ALG12: variants seen among roughly 807,000 people sequenced by gnomAD.
The protein encoded by ALG12 is dol-P-Man:Man(7)GlcNAc(2)-PP-Dol alpha-1,6-mannosyltransferase.
Under a neutral mutation model 46.0 loss-of-function variants are expected in ALG12, and 36 were observed. That is an observed-to-expected ratio of 0.78 (90% confidence interval 0.60 to 1.03). The LOEUF is 1.03. Ranked by LOEUF, ALG12 falls within the 50% of genes least tolerant of loss-of-function variation. The pLI is 0.00. For synonymous variants in ALG12, 326 were observed against 291.6 expected (o/e 1.12, Z -1.20); for missense variants, 599 against 633.5 (o/e 0.95, Z 0.58).
chr22:49,883,526 A>G, the ALG12 span: 1 of 1,198,542 alleles, frequency 8.3e-7, no homozygotes, highest in Non-Finnish European at 1.1e-6. Flanking sequence ...ATTTATGATT[A>G]GCCATATTTC....
At chr22:49,892,064 T>C in the ALG12 span, among the ~76,000 whole-genome samples, 2 of 151,954 alleles carry the variant, frequency 1.3e-5, no homozygotes, top group African/African-American at 4.8e-5. Flanking sequence ...GGTGGGCGTC[T>C]GTAGTCCCAG....
downstream of ALG12, among the ~76,000 whole-genome samples, chr22:49,895,319 T>A (rs2060479756): frequency 6.6e-6 from 1 of 152,096 alleles, no homozygotes; most frequent in East Asian, 1.9e-4. Flanking sequence ...GATTTTGTAA[T>A]TTTGGTTGGA....
At chr22:49,896,283 G>A (rs1010982620), downstream of ALG12, among the ~76,000 whole-genome samples, 6 of 152,334 alleles carry the variant, frequency 3.9e-5, no homozygotes, top group East Asian at 5.8e-4. Flanking sequence ...ATCTCTCCCC[G>A]TGAGATGCTC....
chr22:49,904,344 G>A lies in ALG12; in HGVS notation c.1155C>T (p.Pro385=), dbSNP rs113652023. 826 of 1,614,192 alleles carry A rather than the reference G, an allele frequency of 5.1e-4. 4 individuals carry two copies. In the African/African-American group the frequency reaches 9.6e-3, roughly 19 times the overall value. ...AMQRLHQLVP[P]QTDVLLHIDV... Reference sequence around the variant, plus strand: ...AGTGCCCCCAGCACCCACCTGTCTGGGGGGGCACCAGCTGGTGCAGCCTCT... The same window carrying A: ...AGTGCCCCCAGCACCCACCTGTCTGAGGGGGCACCAGCTGGTGCAGCCTCT... Residue 385 remains proline (P), a synonymous_variant, in exon 8 of 10, where the codon CCC becomes CCT. Coordinates refer to ENST00000330817, the MANE Select transcript of ALG12 (RefSeq NM_024105.4).
At chr22:49,896,633 T>C (rs1158925478), downstream of ALG12, among the ~76,000 whole-genome samples, 2 of 152,176 alleles carry the variant, frequency 1.3e-5, no homozygotes, top group East Asian at 3.8e-4. Flanking sequence ...TTAATTTTTT[T>C]TATTATTTTT....
the ALG12 span, among the ~76,000 whole-genome samples, chr22:49,874,017 T>C: frequency 1.3e-5 from 2 of 152,254 alleles, no homozygotes; most frequent in Non-Finnish European, 2.9e-5. Context: ...CTGTGACCTC[T>C]CTGAACTCTC....
At position 49,904,030 on chromosome 22, in the gene ALG12, G is replaced by A. The variant is rs1358199826; in HGVS notation, c.1275C>T (p.Gly425=). 1 of 1,614,188 alleles carries A rather than the reference G, an allele frequency of 6.2e-7. No individual in the cohort carries two copies. The highest frequency in any genetic ancestry group is 8.5e-7 in the Non-Finnish European group (1 of 1,180,004). ...DKREDVQPGT[G]MLAYTHILME... is the part of the protein sequence containing the mutation. ...TGAGGATGTGTGTGTATGCCAGCATGCCTGTCCCCGGCTGCACATCCTCCC... is the reference window on the plus strand; with the variant it reads ...TGAGGATGTGTGTGTATGCCAGCATACCTGTCCCCGGCTGCACATCCTCCC... The change falls in exon 10 of 10, where the codon GGC becomes GGT. Residue 425 remains glycine (G), a synonymous_variant. Coordinates refer to ENST00000330817, the MANE Select transcript of ALG12 (RefSeq NM_024105.4).
At chr22:49,871,023 C>G in the ALG12 span, among the ~76,000 whole-genome samples, 1 of 151,220 alleles carries the variant, frequency 6.6e-6, no homozygotes, top group Admixed American at 6.6e-5. Context: ...TAACTGCAAC[C>G]TCCATCTCCA....
chr22:49,915,477 A>T (rs1452469139), intron 1 of ALG12, among the ~76,000 whole-genome samples: 2 of 152,160 alleles, frequency 1.3e-5, no homozygotes, highest in Non-Finnish European at 2.9e-5. Flanking sequence ...GAATCGCTTG[A>T]GCCCAGGAGG....
chr22:49,869,312 C>T, the ALG12 span, among the ~76,000 whole-genome samples: 36 of 152,210 alleles, frequency 2.4e-4, 1 homozygote, highest in South Asian at 5.8e-3. Flanking sequence ...CAGAGGCACC[C>T]GTAACAGTGA....
At chr22:49,877,788 CCTGA>C in the ALG12 span, among the ~76,000 whole-genome samples, 2 of 152,164 alleles carry the variant, frequency 1.3e-5, no homozygotes, top group Non-Finnish European at 2.9e-5. Flanking sequence ...ACACATCCCT[CCTGA>C]CTGTGTCTTC....
intron 3 of ALG12, among the ~76,000 whole-genome samples, chr22:49,912,323 G>A (rs2060583187): frequency 6.6e-6 from 1 of 152,236 alleles, no homozygotes; most frequent in Admixed American, 6.5e-5. Flanking sequence ...GTTCTGTCCA[G>A]CTGGAGTCCA....
the ALG12 span, chr22:49,888,313 G>A: frequency 6.0e-6 from 1 of 166,730 alleles, no homozygotes; most frequent in Non-Finnish European, 1.5e-5. Flanking sequence ...ATTTGCCTAC[G>A]ACCTTTTAGA....
the ALG12 span, among the ~76,000 whole-genome samples, chr22:49,893,090 G>C: frequency 6.6e-6 from 1 of 152,220 alleles, no homozygotes; most frequent in East Asian, 1.9e-4. Flanking sequence ...TAGGCTTATA[G>C]ATGAAAGGAT....
At position 49,904,055 on chromosome 22, in the gene ALG12, C is replaced by G; in HGVS notation, c.1250G>C (p.Arg417Thr). 1 of 1,614,184 alleles carries G rather than the reference C, an allele frequency of 6.2e-7. No homozygotes were observed. The highest frequency in any genetic ancestry group is 8.5e-7 in the Non-Finnish European group (1 of 1,180,010). The change falls in exon 10 of 10, where the codon AGG (arginine) becomes ACG (threonine). Residue 417 changes from arginine (R) to threonine (T), a missense_variant. Transcript: ENST00000330817. ...QVNSAWRYDK[R>T]EDVQPGTGML... ...GCCTGTCCCCGGCTGCACATCCTCCCTCTTGTCGTACCTGTGGGATGAGAG... is the reference window on the plus strand; with the variant it reads ...GCCTGTCCCCGGCTGCACATCCTCCGTCTTGTCGTACCTGTGGGATGAGAG...
rs550878722 is a variant in ALG12 at position 49,905,575 on chromosome 22, G to A, written c.993-1069C>T. On this transcript the variant is annotated intron_variant, in intron 7 of 9. Coordinates refer to ENST00000330817, the MANE Select transcript of ALG12 (RefSeq NM_024105.4). This position sits in a 1 kb window ranked among gnomAD's most constrained non-coding sequence, Gnocchi z 4.9. ...TTTGAAAATGGGTGACACCTCCCCC[G>A]TCCCTCTTCGTCCTGCTTTGGCCAC... Among the ~76,000 whole-genome samples, 16 of 152,262 alleles carry A rather than the reference G, an allele frequency of 1.1e-4. No homozygotes were observed. The highest frequency in any genetic ancestry group is 1.8e-4 in the Non-Finnish European group (12 of 68,026).
the ALG12 span, among the ~76,000 whole-genome samples, chr22:49,872,765 C>G: frequency 6.6e-6 from 1 of 151,434 alleles, no homozygotes; most frequent in Non-Finnish European, 1.5e-5. Context: ...AGTGCAGTGA[C>G]GTGATCGCGG....
the ALG12 span, chr22:49,886,743 G>A: frequency 6.2e-7 from 1 of 1,613,020 alleles, no homozygotes; most frequent in Non-Finnish European, 8.5e-7. The surrounding 1 kb of genome is among the most constrained non-coding windows in gnomAD (Gnocchi z 7.7). Flanking sequence ...AGTACAAACA[G>A]GATTTAATCA....
downstream of ALG12, among the ~76,000 whole-genome samples, chr22:49,895,412 G>A (rs1215288330): frequency 6.6e-6 from 1 of 152,184 alleles, no homozygotes; most frequent in Non-Finnish European, 1.5e-5. Flanking sequence ...AGCACTTTGG[G>A]AGGCCGAGGT....
Sources: allele counts gnomAD v4.1 joint callset (sites outside exome capture counted in the v4.1 genomes callset), GRCh38; gene constraint gnomAD v4.1.1; non-coding constraint Gnocchi (gnomAD v3.1); transcripts MANE v1.5; gene names NCBI Gene and HGNC (gene_info 2026-07-23, HGNC 2026-07-21).